The following PCDHGA10 variants were observed in gnomAD, a reference collection of about 807,000 sequenced individuals.
PCDHGA10 encodes the protein protocadherin gamma-A10.
In PCDHGA10, 42 loss-of-function variants were observed where a neutral mutation model predicts 59.5. That is an observed-to-expected ratio of 0.71 (90% confidence interval 0.55 to 0.91). The LOEUF is 0.91. PCDHGA10 is among the 40% of genes least tolerant of loss of function. The pLI is 0.00. For missense variants in PCDHGA10, 1,111 were observed against 1,198.2 expected, an observed-to-expected ratio of 0.93 and a Z score of 1.07; for synonymous variants, 511 against 517.2, an observed-to-expected ratio of 0.99 and a Z score of 0.16.
At chr5:141,461,178 G>A (rs2154567263) in intron 1 of PCDHGA10, among the ~76,000 whole-genome samples, 1 of 152,144 alleles carries the variant, frequency 6.6e-6, no homozygotes, top group East Asian at 1.9e-4. Context: ...TGGATTGAAT[G>A]GTAGATCTGT....
chr5:141,433,142 G>A, intron 1 of PCDHGA10: 2 of 1,614,108 alleles, frequency 1.2e-6, no homozygotes, highest in African/African-American at 1.3e-5. Flanking sequence ...TTTGCTGTCA[G>A]GTGATTCGGT....
chr5:141,508,409 G>T (rs143032030), intron 3 of PCDHGA10: 4 of 152,276 alleles, frequency 2.6e-5, no homozygotes, highest in South Asian at 2.1e-4. Context: ...CTTGAGCCAC[G>T]CAGAGACTTG....
Position 141,431,103 on chromosome 5 carries a change from A to C in PCDHGA10, c.2436+15492A>C, listed in dbSNP as rs769542343. On this transcript the variant is annotated intron_variant, in intron 1 of 3. Coordinates refer to ENST00000398610, the MANE Select transcript of PCDHGA10 (RefSeq NM_018913.3). This position sits in a 1 kb window ranked among gnomAD's most constrained non-coding sequence, Gnocchi z 4.8. ...GACATTCTGATGGAGGATAAAGTGA[A>C]AATATATGGAGTAGAAGTAGAAGTA... 6.2e-7 allele frequency: 1 copy of C among 1,614,246 alleles called. No individual in the cohort carries two copies.
At position 141,485,880 on chromosome 5, in the gene PCDHGA10, A is replaced by G; in HGVS notation, c.2437-8927A>G. 1 of 1,614,124 alleles carries G rather than the reference A, an allele frequency of 6.2e-7. No individual in the cohort carries two copies. Among genetic ancestry groups the G allele is most frequent in the Non-Finnish European group, 8.5e-7 (1 of 1,180,026 alleles). On this transcript the variant is annotated intron_variant, in intron 1 of 3. Transcript: ENST00000398610. The surrounding 1 kb of genome is among the most constrained non-coding windows in gnomAD (Gnocchi z 5.7). ...CTCCGGGTATCCGTGCTGGACGTAA[A>G]CGACAACGCCCCAGCCTTCCAGCAA... is the stretch of plus-strand genomic sequence containing the variant.
In PCDHGA10 at chr5:141,433,051, G is replaced by A. The variant is rs754102028; in HGVS notation, c.2436+17440G>A. The A allele has an allele frequency of 1.8e-5, 29 of 1,614,066 alleles. No homozygotes were observed. In the East Asian group the frequency reaches 2.5e-4, roughly 14 times the overall value. On this transcript the variant is annotated intron_variant, in intron 1 of 3. Transcript: ENST00000398610. ...AGGTTTCCCTCACCACGGACTCGCG[G>A]AAGAGTCACCTGATCTTCCCCCAGC...
chr5:141,511,202 C>T lies in PCDHGA10; in HGVS notation c.*29C>T, dbSNP rs201024828. 2.0e-3 allele frequency: 3,296 copies of T among 1,612,132 alleles called. 7 individuals carry two copies. Among genetic ancestry groups the T allele is most frequent in the Middle Eastern group, 0.013 (77 of 6,006 alleles). On this transcript the variant is annotated 3_prime_UTR_variant, in exon 4 of 4. Coordinates refer to ENST00000398610, the MANE Select transcript of PCDHGA10 (RefSeq NM_018913.3). ...GGAGGCCAGGCCAAGAGCCACAGGG[C>T]GGCCTCTCCCCAACCAGCCCAGCTT...
chr5:141,491,243 ATGAGGACCC>A lies in PCDHGA10; in HGVS notation c.2437-3557_2437-3549del. 1 of 1,614,200 alleles carries A rather than the reference ATGAGGACCC, an allele frequency of 6.2e-7. No individual in the cohort carries two copies. Among genetic ancestry groups the A allele is most frequent in the African/African-American group, 1.3e-5 (1 of 75,056 alleles). ...GCCACAGTGCTGCTGGTTCTGGAGG[ATGAGGACCC>A]TGAGGAAATGCCCAAATCCAGTGAC... On this transcript the variant is annotated intron_variant, in intron 1 of 3. Coordinates refer to ENST00000398610, the MANE Select transcript of PCDHGA10 (RefSeq NM_018913.3). This position sits in a 1 kb window ranked among gnomAD's most constrained non-coding sequence, Gnocchi z 6.9.
chr5:141,505,362 G>A (rs766427680), intron 2 of PCDHGA10, 31 bp from the exon 3 acceptor site: 1 of 1,613,966 alleles, frequency 6.2e-7, no homozygotes, highest in Non-Finnish European at 8.5e-7. Flanking sequence ...CGGCCTGGGA[G>A]TCTGTGCTCA....
Position 141,422,132 on chromosome 5 carries a change from T to C in PCDHGA10, c.2436+6521T>C, listed in dbSNP as rs768931697. ...CAATTGGATTCACAAACTGGAGAAG[T>C]TCAAGTACGGGGGTCTCTGGATTTT... On this transcript the variant is annotated intron_variant, in intron 1 of 3. Coordinates refer to ENST00000398610, the MANE Select transcript of PCDHGA10 (RefSeq NM_018913.3). The C allele has an allele frequency of 1.2e-5, 19 of 1,598,396 alleles. No individual in the cohort carries two copies. In the South Asian group the frequency reaches 2.0e-4, roughly 17 times the overall value.
At chr5:141,492,241 C>G (rs1351937353) in intron 1 of PCDHGA10, among the ~76,000 whole-genome samples, 2 of 152,186 alleles carry the variant, frequency 1.3e-5, no homozygotes, top group East Asian at 3.9e-4. Context: ...TGCTGGCCAC[C>G]CCCACGGCCC....
chr5:141,491,794 TCCGG>T lies in PCDHGA10; in HGVS notation c.2437-3007_2437-3004del. The T allele has an allele frequency of 6.6e-7, 1 of 1,511,056 alleles. No homozygotes were observed. The highest frequency in any genetic ancestry group is 8.8e-7 in the Non-Finnish European group (1 of 1,130,146). 93.6% of individuals were successfully genotyped at this position (1,511,056 alleles called of 1,614,324 possible). A position where few individuals can be genotyped will look rare whatever the true frequency, so the allele number is the denominator to read the frequency against. Reference sequence around the variant, plus strand: ...GGGATTGAACTTGCATCCACTCCTCTCCGGCCGGCTTGGTCGCTGGCTGCGCTCC... The same window carrying T: ...GGGATTGAACTTGCATCCACTCCTCTCCGGCTTGGTCGCTGGCTGCGCTCC... On this transcript the variant is annotated intron_variant, in intron 1 of 3. Transcript: ENST00000398610. The surrounding 1 kb of genome is among the most constrained non-coding windows in gnomAD (Gnocchi z 6.9).
chr5:141,432,706 C>T lies in PCDHGA10; in HGVS notation c.2436+17095C>T, dbSNP rs761752571. ...GCCTCGTAGTGGCCGTCCAGGACCA[C>T]GGCCAGCCCCCTCTCTCCGCCACTG... On this transcript the variant is annotated intron_variant, in intron 1 of 3. Transcript: ENST00000398610. The surrounding 1 kb of genome is among the most constrained non-coding windows in gnomAD (Gnocchi z 6.0). 10 of 1,613,870 alleles carry T rather than the reference C, an allele frequency of 6.2e-6. No homozygotes were observed. The East Asian group carries it at 1.1e-4, about 18-fold the overall frequency.
intron 1 of PCDHGA10, chr5:141,419,337 C>A (rs1283848400): frequency 6.2e-7 from 1 of 1,613,906 alleles, no homozygotes; most frequent in South Asian, 1.1e-5. Flanking sequence ...TCTCTCATTG[C>A]CAGCGACCTG....
At chr5:141,423,042 G>A in intron 1 of PCDHGA10, 1 of 1,614,220 alleles carries the variant, frequency 6.2e-7, no homozygotes, top group Non-Finnish European at 8.5e-7. Context: ...ACGCCTGGCT[G>A]TCCTATCGCC....
At position 141,431,270 on chromosome 5, in the gene PCDHGA10, G is replaced by C. The variant is rs369177310; in HGVS notation, c.2436+15659G>C. 1.2e-5 allele frequency: 19 copies of C among 1,613,996 alleles called. No homozygotes were observed. Among genetic ancestry groups the C allele is most frequent in the Non-Finnish European group, 1.5e-5 (18 of 1,180,018 alleles). ...CGGGAAGAACTCTCTGCAGAGCTAC[G>C]AGCTCAGCCCGAACACTCACTTCTC... is the stretch of plus-strand genomic sequence containing the variant. On this transcript the variant is annotated intron_variant, in intron 1 of 3. Coordinates refer to ENST00000398610, the MANE Select transcript of PCDHGA10 (RefSeq NM_018913.3). This position sits in a 1 kb window ranked among gnomAD's most constrained non-coding sequence, Gnocchi z 4.8.
chr5:141,425,207 G>A lies in PCDHGA10; in HGVS notation c.2436+9596G>A, dbSNP rs546494803. 1.8e-3 allele frequency among the ~76,000 whole-genome samples: 281 copies of A among 152,238 alleles called. 1 individual carries two copies. The highest frequency in any genetic ancestry group is 6.6e-3 in the African/African-American group (274 of 41,534). ...TCCAAACTGAGAAAAATGATGTAAG[G>A]CATTGTACTTTGACTGGAATTAGTT... On this transcript the variant is annotated intron_variant, in intron 1 of 3. Coordinates refer to ENST00000398610, the MANE Select transcript of PCDHGA10 (RefSeq NM_018913.3).
intron 1 of PCDHGA10, chr5:141,423,072 G>A: frequency 1.2e-6 from 2 of 1,614,120 alleles, no homozygotes; most frequent in Non-Finnish European, 1.7e-6. Flanking sequence ...CCAGCGAGCC[G>A]GGACTCTTCG....
chr5:141,413,211 G>A lies in PCDHGA10; in HGVS notation c.36G>A (p.Lys12=). The change falls in exon 1 of 4, where the codon AAG becomes AAA. Residue 12 remains lysine (K), a synonymous_variant. Coordinates refer to ENST00000398610, the MANE Select transcript of PCDHGA10 (RefSeq NM_018913.3). ...AAQRNRSKES[K]DCSGLVLLCL... is the part of the protein sequence containing the mutation. ...AAAGGAATCGCTCAAAGGAATCAAA[G>A]GATTGCAGCGGGCTGGTCCTGCTCT... 1 of 1,613,214 alleles carries A rather than the reference G, an allele frequency of 6.2e-7. No individual in the cohort carries two copies. Among genetic ancestry groups the A allele is most frequent in the South Asian group, 1.1e-5 (1 of 91,036 alleles).
chr5:141,490,473 T>C lies in PCDHGA10; in HGVS notation c.2437-4334T>C. 6.2e-7 allele frequency: 1 copy of C among 1,614,228 alleles called. No homozygotes were observed. Among genetic ancestry groups the C allele is most frequent in the East Asian group, 2.2e-5 (1 of 44,878 alleles). On this transcript the variant is annotated intron_variant, in intron 1 of 3. Transcript: ENST00000398610. This position sits in a 1 kb window ranked among gnomAD's most constrained non-coding sequence, Gnocchi z 5.4. ...ACTACTCGCTGCTAACCAGCCAGCC[T>C]TTGGACCGGGAGGCCACATCCCACT...
Sources: gnomAD v4.1 joint callset for allele counts (sites outside exome capture counted in the v4.1 genomes callset) on GRCh38, gnomAD v4.1.1 for gene constraint, Gnocchi (gnomAD v3.1) non-coding constraint, MANE v1.5 for transcripts, NCBI Gene and HGNC (gene_info 2026-07-23, HGNC 2026-07-21) for gene names.